SDK1: variants seen among roughly 807,000 people sequenced by gnomAD.
SDK1 encodes sidekick cell adhesion molecule 1, also known as protein sidekick-1.
In SDK1, 157 loss-of-function variants were observed where a neutral mutation model predicts 245.5. That is an observed-to-expected ratio of 0.64 (90% confidence interval 0.56 to 0.73). SDK1 has a LOEUF of 0.73. Ranked by LOEUF, SDK1 falls within the 30% of genes least tolerant of loss-of-function variation. SDK1 has a pLI of 0.00. For synonymous variants in SDK1, 1,647 were observed against 1,278.5 expected (o/e 1.29, Z -6.15); for missense variants, 3,583 against 3,002.3 (o/e 1.19, Z -4.52).
At chr7:3,594,908 G>C (rs1781003168) in intron 1 of SDK1, among the ~76,000 whole-genome samples, 1 of 152,144 alleles carries the variant, frequency 6.6e-6, no homozygotes, top group Non-Finnish European at 1.5e-5. Context: ...TCTAGGTAAA[G>C]CTAAATCATC....
chr7:4,020,273 TGGTCCATGGCCTGG>T (rs1363056265), intron 17 of SDK1, among the ~76,000 whole-genome samples: 3 of 151,918 alleles, frequency 2.0e-5, no homozygotes, highest in African/African-American at 7.3e-5. Flanking sequence ...GCAGGAAGGG[TGGTCCATGGCCTGG>T]GGGACATGGC....
chr7:3,563,841 A>AT (rs1779823824), intron 1 of SDK1, among the ~76,000 whole-genome samples: 1 of 152,208 alleles, frequency 6.6e-6, no homozygotes. Context: ...GCAATAACAA[A>AT]TTAGGTTCAC....
chr7:4,087,319 G>A (rs966004956), intron 22 of SDK1, among the ~76,000 whole-genome samples: 3 of 151,874 alleles, frequency 2.0e-5, no homozygotes, highest in African/African-American at 7.3e-5. Context: ...ATTCTCATAC[G>A]CACTTTGGTC....
chr7:3,675,636 T>G (rs1210928676), intron 4 of SDK1, among the ~76,000 whole-genome samples: 1 of 152,032 alleles, frequency 6.6e-6, no homozygotes, highest in Non-Finnish European at 1.5e-5. Flanking sequence ...TATAGTAGCA[T>G]GGTCATAGCT....
chr7:4,194,292 AC>A (rs2128223576), intron 35 of SDK1, among the ~76,000 whole-genome samples: 2 of 102,000 alleles, frequency 2.0e-5, no homozygotes, highest in South Asian at 6.8e-4. Context: ...ATATGTATGC[AC>A]GTATGTGTAT....
chr7:3,523,135 T>C (rs1173594277), intron 1 of SDK1, among the ~76,000 whole-genome samples: 1 of 152,226 alleles, frequency 6.6e-6, no homozygotes, highest in African/African-American at 2.4e-5. Flanking sequence ...AATATTTGTA[T>C]ATTTTTGACA....
At chr7:4,002,819 G>GA (rs1264580087) in intron 14 of SDK1, among the ~76,000 whole-genome samples, 1 of 152,170 alleles carries the variant, frequency 6.6e-6, no homozygotes, top group Non-Finnish European at 1.5e-5. Context: ...CTCTTGTTAA[G>GA]AAAAATAATA....
intron 4 of SDK1, among the ~76,000 whole-genome samples, chr7:3,729,495 G>A (rs1166511922): frequency 6.6e-6 from 1 of 152,152 alleles, no homozygotes; most frequent in African/African-American, 2.4e-5. Flanking sequence ...GGCCAGGGAT[G>A]CTGGTAAACA....
Position 3,967,994 on chromosome 7 carries a change from G to C in SDK1, c.1546+560G>C, listed in dbSNP as rs546103852. ...CACACATTAGAAAAAGAGAAGGATTGTGCAAATGTCACTCTTCTCTATCCA... is the reference window on the plus strand; with the variant it reads ...CACACATTAGAAAAAGAGAAGGATTCTGCAAATGTCACTCTTCTCTATCCA... On this transcript the variant is annotated intron_variant, in intron 10 of 44. Coordinates refer to ENST00000404826, the MANE Select transcript of SDK1 (RefSeq NM_152744.4). Among the ~76,000 whole-genome samples, 3 of 152,356 alleles carry C rather than the reference G, an allele frequency of 2.0e-5. No individual in the cohort carries two copies. In the South Asian group the frequency reaches 6.2e-4, roughly 32 times the overall value.
intron 20 of SDK1, among the ~76,000 whole-genome samples, chr7:4,074,688 C>T (rs1780510255): frequency 6.6e-6 from 1 of 151,312 alleles, no homozygotes; most frequent in Admixed American, 6.6e-5. Context: ...CAGTGAGACC[C>T]TCATCTCTAC....
chr7:4,210,068 C>T lies in SDK1; in HGVS notation c.5445C>T (p.Ser1815=). 2 of 1,607,322 alleles carry T rather than the reference C, an allele frequency of 1.2e-6. No individual in the cohort carries two copies. The highest frequency in any genetic ancestry group is 1.7e-6 in the Non-Finnish European group (2 of 1,177,646). ...TTCTGGCGTTCTCAGAAATAACCTCCACCACGCTCAACGTGTCCTGGGGCG... is the reference window on the plus strand; with the variant it reads ...TTCTGGCGTTCTCAGAAATAACCTCTACCACGCTCAACGTGTCCTGGGGCG... ...PSFLAFSEIT[S]TTLNVSWGEP... is the part of the protein sequence containing the mutation. The change falls in exon 38 of 45, where the codon TCC becomes TCT. Residue 1815 remains serine, a synonymous_variant. Transcript: ENST00000404826.
At chr7:3,704,582 A>T (rs540154725) in intron 4 of SDK1, among the ~76,000 whole-genome samples, 5 of 152,104 alleles carry the variant, frequency 3.3e-5, no homozygotes, top group African/African-American at 1.2e-4. Flanking sequence ...TGTTTTCTGG[A>T]TATCAGTGCT....
In SDK1 at chr7:4,077,908, T is replaced by C. The variant is rs969480152; in HGVS notation, c.3202+719T>C. The stretch of plus-strand genomic sequence containing the variant: ...TCAATGATGATGGTGTGTGGTTTAA[T>C]TGGGTAAAAATTGGTATATATAGCG... On this transcript the variant is annotated intron_variant, in intron 21 of 44. Coordinates refer to ENST00000404826, the MANE Select transcript of SDK1 (RefSeq NM_152744.4). 2.0e-5 allele frequency among the ~76,000 whole-genome samples: 3 copies of C among 152,242 alleles called. No individual in the cohort carries two copies. In the South Asian group the frequency reaches 6.2e-4, roughly 32 times the overall value.
intron 35 of SDK1, among the ~76,000 whole-genome samples, chr7:4,193,903 G>A (rs1240599070): frequency 3.3e-5 from 5 of 152,168 alleles, no homozygotes; most frequent in Non-Finnish European, 7.3e-5. Flanking sequence ...GAGGTATTAT[G>A]TATAGAGTCC....
chr7:3,323,016 C>T (rs559541355), intron 1 of SDK1, among the ~76,000 whole-genome samples: 4 of 152,164 alleles, frequency 2.6e-5, no homozygotes, highest in Non-Finnish European at 4.4e-5. Context: ...TGCCGAGGCT[C>T]GTCTCAAACT....
chr7:4,064,995 G>T (rs755233615), intron 19 of SDK1, among the ~76,000 whole-genome samples: 1 of 152,082 alleles, frequency 6.6e-6, no homozygotes. Flanking sequence ...CCAATGCTCC[G>T]TGGCACAGTA....
intron 30 of SDK1, among the ~76,000 whole-genome samples, chr7:4,157,964 G>A (rs1326429467): frequency 6.6e-6 from 1 of 152,134 alleles, no homozygotes; most frequent in Non-Finnish European, 1.5e-5. Context: ...GAATCAGGCA[G>A]GAACTCATTT....
At chr7:3,444,138 G>C (rs555696449) in intron 1 of SDK1, among the ~76,000 whole-genome samples, 4 of 152,266 alleles carry the variant, frequency 2.6e-5, no homozygotes, top group East Asian at 3.9e-4. Flanking sequence ...TGGAAAGGGC[G>C]GGTTTAATTC....
At chr7:3,551,186 G>T (rs751335011) in intron 1 of SDK1, among the ~76,000 whole-genome samples, 3 of 152,156 alleles carry the variant, frequency 2.0e-5, no homozygotes, top group Non-Finnish European at 4.4e-5. Context: ...AACACCGGGG[G>T]TGGGGGGCCC....
Sources: gnomAD v4.1 joint callset for allele counts (sites outside exome capture counted in the v4.1 genomes callset) on GRCh38, gnomAD v4.1.1 for gene constraint, MANE v1.5 for transcripts, NCBI Gene and HGNC (gene_info 2026-07-23, HGNC 2026-07-21) for gene names.